The following PER1 variants were observed in gnomAD, a reference collection of about 807,000 sequenced individuals.
PER1 encodes period circadian protein homolog 1.
PER1 carries 87 observed loss-of-function variants against 125.9 expected under a neutral mutation model. The ratio of observed to expected loss-of-function variants is 0.69; its 90% confidence interval spans 0.58 to 0.83. The LOEUF is 0.83. PER1 is among the 40% of genes least tolerant of loss of function. PER1 has a pLI of 0.00. For synonymous variants in PER1, 801 were observed against 714.7 expected (o/e 1.12, Z -1.93); for missense variants, 1,775 against 1,722.8 (o/e 1.03, Z -0.54).
Position 8,150,521 on chromosome 17 carries a change from A to T in PER1, c.186T>A (p.Ser62=). Residue 62 remains serine (S), a synonymous_variant, in exon 2 of 23, where the codon TCT becomes TCA. Transcript: ENST00000317276. ...SSGNESNGHE[S]RGASQRSSHS... ...GTGAGCTCCGCTGAGATGCGCCTCT[A>T]GACTCATGCCCGTTGGACTCATTGC... 1 of 1,614,134 alleles carries T rather than the reference A, an allele frequency of 6.2e-7. No individual in the cohort carries two copies. Among genetic ancestry groups the T allele is most frequent in the Non-Finnish European group, 8.5e-7 (1 of 1,180,004 alleles).
intron 17 of PER1, 21 bp downstream of exon 17, chr17:8,145,937 C>T (rs777780394): frequency 6.4e-7 from 1 of 1,572,490 alleles, no homozygotes; most frequent in Admixed American, 1.8e-5. Flanking sequence ...CAAGCACTGC[C>T]CCCCAATTCC....
rs2151858641 is a variant in PER1, at chr17:8,141,237, C to T, written c.3704G>A (p.Gly1235Glu). 1 of 1,614,198 alleles carries T rather than the reference C, an allele frequency of 6.2e-7. No homozygotes were observed. Among genetic ancestry groups the T allele is most frequent in the East Asian group, 2.2e-5 (1 of 44,886 alleles). ...GLGLEPMEEGGGEQGSSGGGS... is the reference protein window; with the variant it reads ...GLGLEPMEEGEGEQGSSGGGS... Reference sequence around the variant, plus strand: ...GCCACCGCTGCTGCCCTGCTCGCCTCCACCCTCTTCCATGGGCTCCAGCCC... The same window carrying T: ...GCCACCGCTGCTGCCCTGCTCGCCTTCACCCTCTTCCATGGGCTCCAGCCC... Residue 1235 changes from glycine to glutamate, a missense_variant, in exon 23 of 23, where the codon GGA becomes GAA. By Grantham distance (98) the Gly-to-Glu change is moderately conservative. Transcript: ENST00000317276.
intron 17 of PER1, among the ~76,000 whole-genome samples, chr17:8,145,473 G>A (rs1029484730): frequency 2.1e-4 from 32 of 152,012 alleles, no homozygotes; most frequent in African/African-American, 7.2e-4. Flanking sequence ...ACAGGCGCGC[G>A]CCACCACGCC....
At position 8,149,454 on chromosome 17, in the gene PER1, C is replaced by A. The variant is rs201434113; in HGVS notation, c.853+8G>T. 6.2e-7 allele frequency: 1 copy of A among 1,611,290 alleles called. No individual in the cohort carries two copies. Among genetic ancestry groups the A allele is most frequent in the Middle Eastern group, 1.7e-4 (1 of 6,056 alleles). ...CTCATGCCTCCCCACAGCGCTTGGG[C>A]ACCTCACCTGCTGAGGCCCCTGTGC... On this transcript the variant is annotated splice_region_variant and intron_variant, in intron 6 of 22. Transcript: ENST00000317276.
intron 18 of PER1, chr17:8,144,198 T>G (rs563772670): frequency 7.2e-6 from 3 of 415,536 alleles, no homozygotes; most frequent in African/African-American, 6.1e-5. Flanking sequence ...GACAGATGGC[T>G]CTGGTCCGCC....
chr17:8,148,180 C>T lies in PER1; in HGVS notation c.1127+1G>A, dbSNP rs1488099542. On this transcript the variant is annotated splice_donor_variant, in intron 9 of 22. Coordinates refer to ENST00000317276, the MANE Select transcript of PER1 (RefSeq NM_002616.3). LOFTEE classifies it high-confidence loss of function. ...TCGTCTCCTCTAGGTCCTATCCTCA[C>T]CTTTCATCCACATCCTGGAAGAGGC... 6.2e-7 allele frequency: 1 copy of T among 1,614,050 alleles called. No homozygotes were observed. Among genetic ancestry groups the T allele is most frequent in the Non-Finnish European group, 8.5e-7 (1 of 1,179,912 alleles).
At position 8,140,976 on chromosome 17, in the gene PER1, C is replaced by G; in HGVS notation, c.*92G>C. On this transcript the variant is annotated 3_prime_UTR_variant, in exon 23 of 23. Coordinates refer to ENST00000317276, the MANE Select transcript of PER1 (RefSeq NM_002616.3). ...TGGGAGAAGCTGGGGCAGTTTCCCA[C>G]TGGTTGGTCTAGCCACATCTGAGTT... 1 of 1,413,822 alleles carries G rather than the reference C, an allele frequency of 7.1e-7. No homozygotes were observed. Among genetic ancestry groups the G allele is most frequent in the East Asian group, 2.3e-5 (1 of 43,570 alleles). The allele number at this position is 1,413,822 out of a possible 1,614,324, so 87.6% of individuals were successfully genotyped here. A position where few individuals can be genotyped will look rare whatever the true frequency, so the allele number is the denominator to read the frequency against.
At position 8,149,244 on chromosome 17, in the gene PER1, G is replaced by A. The variant is rs1454378172; in HGVS notation, c.905+15C>T. On this transcript the variant is annotated intron_variant, in intron 7 of 22. Coordinates refer to ENST00000317276, the MANE Select transcript of PER1 (RefSeq NM_002616.3). ...AAAAAGGAGGCAGAGGTCTTCTCCA[G>A]TTCCCCTCACCTACCTGATACGGCA... The A allele has an allele frequency of 1.9e-6, 3 of 1,609,942 alleles. No individual in the cohort carries two copies. The highest frequency in any genetic ancestry group is 1.3e-5 in the African/African-American group (1 of 74,760).
intron 16 of PER1, 28 bp downstream of exon 16, chr17:8,146,344 G>C (rs951266213): frequency 5.1e-6 from 8 of 1,577,942 alleles, no homozygotes; most frequent in Non-Finnish European, 6.9e-6. Flanking sequence ...GGACGGGGCA[G>C]TGGGAGCAGG....
Position 8,146,173 on chromosome 17 carries a change from C to A in PER1, c.2039-36G>T, listed in dbSNP as rs372544356. ...AGATGGTGCCAGTTACCATCCCCACCCCCACTGGGAAGTCAGGAGAGAGGA... is the reference window on the plus strand; with the variant it reads ...AGATGGTGCCAGTTACCATCCCCACACCCACTGGGAAGTCAGGAGAGAGGA... On this transcript the variant is annotated intron_variant, in intron 16 of 22. Coordinates refer to ENST00000317276, the MANE Select transcript of PER1 (RefSeq NM_002616.3). 2.8e-5 allele frequency: 43 copies of A among 1,561,574 alleles called. No individual in the cohort carries two copies. In the African/African-American group the frequency reaches 5.6e-4, roughly 20 times the overall value.
At position 8,147,678 on chromosome 17, in the gene PER1, G is replaced by A. The variant is rs930424267; in HGVS notation, c.1384C>T (p.Arg462Cys). The A allele has an allele frequency of 3.1e-6, 5 of 1,613,862 alleles. No homozygotes were observed. The highest frequency in any genetic ancestry group is 2.7e-5 in the African/African-American group (2 of 74,938). Reference sequence around the variant, plus strand: ...TCGGGGGCATGGCCCACTTACGTGCGTACTTTGTGGCGGCCCAACACGAAG... The same window carrying A: ...TCGGGGGCATGGCCCACTTACGTGCATACTTTGTGGCGGCCCAACACGAAG... The part of the protein sequence containing the change: ...VAFVLGRHKV[R>C]TAPLNEDVFT... The change falls in exon 11 of 23, where the codon CGC becomes TGC. Residue 462 changes from arginine (R) to cysteine (C), a missense_variant. Arg to Cys is a radical substitution (Grantham distance 180). Coordinates refer to ENST00000317276, the MANE Select transcript of PER1 (RefSeq NM_002616.3).
Position 8,144,914 on chromosome 17 carries a change from AGGG to A in PER1, c.2295_2297del (p.Pro766del). ...GACGGTAGGCGTCTGGGGCTGGGTCAGGGGCTACTGTGGGGCTGGGGGCTGGGC... is the reference window on the plus strand; with the variant it reads ...GACGGTAGGCGTCTGGGGCTGGGTCAGCTACTGTGGGGCTGGGGGCTGGGC... On this transcript the variant is annotated inframe_deletion, in exon 18 of 23. Transcript: ENST00000317276. 1 of 1,535,460 alleles carries A rather than the reference AGGG, an allele frequency of 6.5e-7. No homozygotes were observed. The highest frequency in any genetic ancestry group is 1.2e-5 in the South Asian group (1 of 80,098).
At position 8,148,070 on chromosome 17, in the gene PER1, G is replaced by A. The variant is rs1309860478; in HGVS notation, c.1161C>T (p.Asp387=). 2 of 1,612,524 alleles carry A rather than the reference G, an allele frequency of 1.2e-6. No homozygotes were observed. The highest frequency in any genetic ancestry group is 2.2e-5 in the South Asian group (2 of 91,024). ...ACAGGAGCACTGGGGCCCCCAGGAGGTCCTGGGGCAGGTAGCCCAGCAGGG... is the reference window on the plus strand; with the variant it reads ...ACAGGAGCACTGGGGCCCCCAGGAGATCCTGGGGCAGGTAGCCCAGCAGGG... ...AAPLLGYLPQ[D]LLGAPVLLFL... is the part of the protein sequence containing the mutation. Residue 387 remains aspartate (D), a synonymous_variant, in exon 10 of 23, where the codon GAC becomes GAT. Transcript: ENST00000317276.
At chr17:8,143,175 C>A in intron 19 of PER1, 91 bp downstream of exon 19, 1 of 1,012,574 alleles carries the variant, frequency 9.9e-7, no homozygotes, top group South Asian at 1.7e-5. Flanking sequence ...GGCTGAGACG[C>A]CAGCCTGGCA....
At position 8,140,564 on chromosome 17, in the gene PER1, T is replaced by G. The variant is rs1982018140; in HGVS notation, c.*504A>C. 4.3e-6 allele frequency: 1 copy of G among 230,514 alleles called. No homozygotes were observed. The highest frequency in any genetic ancestry group is 8.6e-6 in the Non-Finnish European group (1 of 116,256). 14.3% of individuals were successfully genotyped at this position (230,514 alleles called of 1,614,324 possible). On this transcript the variant is annotated 3_prime_UTR_variant, in exon 23 of 23. Coordinates refer to ENST00000317276, the MANE Select transcript of PER1 (RefSeq NM_002616.3). ...GGCAGAGGGTACAGCTGAGAACGCC[T>G]GGGTCCCACCTGAGGGGCAGCACCA...
intron 18 of PER1, 59 bp from the exon 19 acceptor site, chr17:8,143,935 C>T: frequency 7.8e-6 from 12 of 1,540,688 alleles, no homozygotes; most frequent in Non-Finnish European, 1.0e-5. Context: ...CCCCTGCTAC[C>T]CACACTGCCC....
At position 8,147,461 on chromosome 17, in the gene PER1, T is replaced by C. The variant is rs2151860968; in HGVS notation, c.1497+9A>G. 1 of 1,613,462 alleles carries C rather than the reference T, an allele frequency of 6.2e-7. No homozygotes were observed. The highest frequency in any genetic ancestry group is 1.1e-5 in the South Asian group (1 of 91,048). On this transcript the variant is annotated intron_variant, in intron 12 of 22. Transcript: ENST00000317276. ...CTCACCTCCCAGGCTCCCTCTCCGC[T>C]ACTCTCACCTGCAGCAGCAGCCGGT... is the stretch of plus-strand genomic sequence containing the variant.
Position 8,140,532 on chromosome 17 carries a change from T to C in PER1, c.*536A>G, listed in dbSNP as rs73972700. ...CAGACACAAATATCAAAAACACAAA[T>C]GCCATCGGCAGAGGGTACAGCTGAG... On this transcript the variant is annotated 3_prime_UTR_variant, in exon 23 of 23. Transcript: ENST00000317276. 147 of 212,158 alleles carry C rather than the reference T, an allele frequency of 6.9e-4. No homozygotes were observed. The highest frequency in any genetic ancestry group is 3.1e-3 in the African/African-American group (138 of 44,288). The allele number at this position is 212,158 out of a possible 1,614,324, so 13.1% of individuals were successfully genotyped here.
intron 1 of PER1, among the ~76,000 whole-genome samples, chr17:8,151,187 G>C (rs1302991491): frequency 6.6e-6 from 1 of 152,232 alleles, no homozygotes; most frequent in Non-Finnish European, 1.5e-5. Flanking sequence ...GGAGCAGGAG[G>C]TGAGCTGGTC....
Sources: gnomAD v4.1 joint callset for allele counts (sites outside exome capture counted in the v4.1 genomes callset) on GRCh38, gnomAD v4.1.1 for gene constraint, MANE v1.5 for transcripts, NCBI Gene and HGNC (gene_info 2026-07-23, HGNC 2026-07-21) for gene names.